The following CEP192 variants were observed in gnomAD, a reference collection of about 807,000 sequenced individuals.
CEP192 encodes centrosomal protein of 192 kDa.
In CEP192, 151 loss-of-function variants were observed where a neutral mutation model predicts 271.8. That is an observed-to-expected ratio of 0.56 (90% confidence interval 0.49 to 0.64). CEP192 has a LOEUF of 0.64. Among genes scored for constraint, CEP192 ranks in the 30% least tolerant of loss-of-function variants. The pLI is 0.00. For missense variants in CEP192, 2,910 were observed against 3,020.5 expected (o/e 0.96, Z 0.86); for synonymous variants, 995 against 1,076.5 (o/e 0.92, Z 1.48).
rs2040306433 is a variant in CEP192 at position 13,113,640 on chromosome 18, G to A, written c.7102G>A (p.Val2368Ile). The A allele has an allele frequency of 6.2e-7, 1 of 1,613,382 alleles. No individual in the cohort carries two copies. Among genetic ancestry groups the A allele is most frequent in the South Asian group, 1.1e-5 (1 of 91,002 alleles). The change falls in exon 41 of 45, where the codon GTT (valine) becomes ATT (isoleucine). Residue 2368 changes from valine (V) to isoleucine (I), a missense_variant. Val to Ile is a conservative substitution (Grantham distance 29). Coordinates refer to ENST00000506447, the MANE Select transcript of CEP192 (RefSeq NM_032142.4). Reference protein sequence around the residue: ...GRGDYAQFWDVECHPLKEPHM... With the variant: ...GRGDYAQFWDIECHPLKEPHM... ...GGGGGATTATGCCCAGTTTTGGGAT[G>A]TTGAATGTCACCCTCTTAAGGAGCC... is the stretch of plus-strand genomic sequence containing the variant.
At chr18:13,103,857 C>CT in intron 39 of CEP192, 1 of 526,106 alleles carries the variant, frequency 1.9e-6, no homozygotes, top group South Asian at 1.5e-5. Context: ...GTCCAGCTAA[C>CT]TTTTTGTTTT....
At chr18:13,097,776 G>A (rs1157621975) in intron 36 of CEP192, among the ~76,000 whole-genome samples, 1 of 150,570 alleles carries the variant, frequency 6.6e-6, no homozygotes, top group Non-Finnish European at 1.5e-5. Flanking sequence ...GTTTTCCTAG[G>A]CAGAGGACCC....
chr18:13,059,628 G>T (rs1271643222), intron 21 of CEP192, among the ~76,000 whole-genome samples: 2 of 152,090 alleles, frequency 1.3e-5, no homozygotes, highest in African/African-American at 4.8e-5. Context: ...TTATATTTCT[G>T]TACCTGGAGA....
chr18:13,069,994 C>T (rs2037926492), intron 27 of CEP192, 138 bp downstream of exon 27: 5 of 558,792 alleles, frequency 8.9e-6, no homozygotes, highest in Non-Finnish European at 1.3e-5. Context: ...AATCCTGTCT[C>T]TACTAAAAAT....
intron 2 of CEP192, among the ~76,000 whole-genome samples, chr18:12,999,828 ATTTTTTTTT>A (rs36207281): frequency 8.1e-6 from 1 of 124,040 alleles, no homozygotes; most frequent in Non-Finnish European, 1.8e-5. Flanking sequence ...ATTTCGGTCT[ATTTTTTTTT>A]TTTTTTTTTG....
intron 44 of CEP192, among the ~76,000 whole-genome samples, chr18:13,121,126 A>T (rs2040638275): frequency 6.6e-6 from 1 of 152,240 alleles, no homozygotes; most frequent in Admixed American, 6.5e-5. Context: ...AAAGGTTCAC[A>T]ATACATAATT....
At chr18:13,045,581 G>C (rs2036432413) in intron 15 of CEP192, among the ~76,000 whole-genome samples, 2 of 152,178 alleles carry the variant, frequency 1.3e-5, no homozygotes, top group Admixed American at 1.3e-4. Flanking sequence ...CAAGCTGCCT[G>C]CATTCTTAAA....
At chr18:13,053,765 C>G (rs555695803) in intron 18 of CEP192, among the ~76,000 whole-genome samples, 21 of 152,258 alleles carry the variant, frequency 1.4e-4, no homozygotes, top group Admixed American at 1.0e-3. Context: ...TCACAGCTCA[C>G]TACAGCCTGG....
rs1214831700 is a variant in CEP192 at position 13,087,024 on chromosome 18, T to C, written c.5624T>C (p.Leu1875Ser). 17 of 1,605,326 alleles carry C rather than the reference T, an allele frequency of 1.1e-5. No individual in the cohort carries two copies. Among genetic ancestry groups the C allele is most frequent in the Admixed American group, 3.4e-5 (2 of 59,600 alleles). Residue 1875 changes from leucine to serine, a missense_variant, in exon 31 of 45, where the codon TTG becomes TCG. Coordinates refer to ENST00000506447, the MANE Select transcript of CEP192 (RefSeq NM_032142.4). ...SQPGIKFTIP[L>S]SGYGGTSNLI... ...TATGTATATCTTTTTTAGATACCTT[T>C]GTCTGGATATGGAGGAACAAGCAAT...
At chr18:12,993,947 T>C (rs1263536779) in intron 1 of CEP192, among the ~76,000 whole-genome samples, 1 of 152,202 alleles carries the variant, frequency 6.6e-6, no homozygotes, top group Admixed American at 6.5e-5. Flanking sequence ...GTATTGGGAA[T>C]ATGTGGATGA....
At chr18:13,048,624 C>A (rs538604595) in intron 15 of CEP192, among the ~76,000 whole-genome samples, 1 of 152,266 alleles carries the variant, frequency 6.6e-6, no homozygotes, top group Admixed American at 6.5e-5. Flanking sequence ...TTCAAACGTT[C>A]CAGCCACAGT....
intron 30 of CEP192, among the ~76,000 whole-genome samples, chr18:13,082,954 T>G (rs1368027849): frequency 6.6e-6 from 1 of 152,224 alleles, no homozygotes; most frequent in Non-Finnish European, 1.5e-5. Context: ...TGGCCCCCAC[T>G]CTGTTCTGGC....
chr18:13,092,314 C>T (rs2039183646), intron 33 of CEP192, 63 bp from the exon 34 acceptor site: 2 of 1,117,172 alleles, frequency 1.8e-6, no homozygotes, highest in Non-Finnish European at 1.3e-6. Context: ...ACAAATGTAT[C>T]TGTTACTTTG....
At chr18:13,077,588 G>A (rs1281584074) in intron 30 of CEP192, among the ~76,000 whole-genome samples, 1 of 152,182 alleles carries the variant, frequency 6.6e-6, no homozygotes, top group Non-Finnish European at 1.5e-5. Flanking sequence ...TCCTGCAAGG[G>A]TTGAGCCCTG....
At chr18:13,024,196 G>A (rs1331926042) in intron 9 of CEP192, 1 of 388,516 alleles carries the variant, frequency 2.6e-6, no homozygotes, top group Non-Finnish European at 5.1e-6. Flanking sequence ...CGTTAAGGAT[G>A]GTTATGTCTT....
intron 44 of CEP192, among the ~76,000 whole-genome samples, chr18:13,119,511 G>A (rs1352176619): frequency 6.6e-6 from 1 of 152,202 alleles, no homozygotes; most frequent in Non-Finnish European, 1.5e-5. Flanking sequence ...GGGAGGCCGA[G>A]GTGGGCGGAT....
At chr18:13,105,109 C>T (rs1274935934) in intron 40 of CEP192, 30 bp downstream of exon 40, 7 of 1,488,986 alleles carry the variant, frequency 4.7e-6, no homozygotes, top group Non-Finnish European at 6.6e-6. Context: ...TCCATAGGAA[C>T]ATCATGTAAA....
At chr18:13,029,081 A>C (rs530241186) in intron 9 of CEP192, among the ~76,000 whole-genome samples, 1 of 152,312 alleles carries the variant, frequency 6.6e-6, no homozygotes, top group East Asian at 1.9e-4. Flanking sequence ...ACAGTACTGA[A>C]GACACTTGAG....
intron 7 of CEP192, 127 bp downstream of exon 7, chr18:13,017,463 G>A (rs60444886): frequency 0.12 from 71,001 of 608,274 alleles, 4,913 homozygotes; most frequent in East Asian, 0.28. Context: ...GTGTTTCCGA[G>A]GTATGAATTG....
Sources: gnomAD v4.1 joint callset for allele counts (sites outside exome capture counted in the v4.1 genomes callset) on GRCh38, gnomAD v4.1.1 for gene constraint, MANE v1.5 for transcripts, NCBI Gene and HGNC (gene_info 2026-07-23, HGNC 2026-07-21) for gene names.